MRPS35: variants seen among roughly 807,000 people sequenced by gnomAD.
MRPS35 encodes small ribosomal subunit protein mS35.
A neutral mutation model predicts 32.7 loss-of-function variants in MRPS35; 29 were observed. The observed-to-expected ratio is 0.89, with a 90% CI of 0.66 to 1.21. The LOEUF is 1.21. Ranked by LOEUF, MRPS35 falls within the 50% of genes most tolerant of loss-of-function variation. The probability of loss-of-function intolerance (pLI) is 0.00; values close to 1 mark genes in which losing one functional copy is unlikely to be tolerated. For missense variants in MRPS35, 373 were observed against 383.8 expected, an observed-to-expected ratio of 0.97 and a Z score of 0.23; for synonymous variants, 148 against 139.3, an observed-to-expected ratio of 1.06 and a Z score of -0.44.
At chr12:27,737,680 T>G (rs1206030923) in intron 7 of MRPS35, 72 bp downstream of exon 7, 3 of 1,218,648 alleles carry the variant, frequency 2.5e-6, no homozygotes, top group Non-Finnish European at 2.4e-6. Context: ...AAATACTCTT[T>G]GTGGCAAGTA....
At chr12:27,732,031 GA>G (rs1555106302) in intron 5 of MRPS35, among the ~76,000 whole-genome samples, 2 of 151,552 alleles carry the variant, frequency 1.3e-5, no homozygotes, top group African/African-American at 4.8e-5. Flanking sequence ...CCCAATAAAA[GA>G]AAAAAAAGAA....
intron 7 of MRPS35, among the ~76,000 whole-genome samples, chr12:27,749,468 A>G (rs1007332247): frequency 6.6e-6 from 1 of 152,344 alleles, no homozygotes; most frequent in East Asian, 1.9e-4. Context: ...TTGTTTCTGT[A>G]TATTTTATCT....
intron 3 of MRPS35, among the ~76,000 whole-genome samples, chr12:27,719,073 C>T (rs1593464487): frequency 1.3e-5 from 2 of 152,004 alleles, no homozygotes; most frequent in South Asian, 2.1e-4. Flanking sequence ...GGTGACAGAG[C>T]GAGACCCTGT....
chr12:27,719,392 C>T (rs1294351651), intron 3 of MRPS35, among the ~76,000 whole-genome samples: 4 of 152,236 alleles, frequency 2.6e-5, no homozygotes, highest in African/African-American at 9.6e-5. Context: ...AGATTTTGGG[C>T]GCGGTGGCTC....
chr12:27,735,203 C>T (rs966974121), intron 5 of MRPS35, among the ~76,000 whole-genome samples: 12 of 152,192 alleles, frequency 7.9e-5, no homozygotes, highest in Non-Finnish European at 1.5e-5. Flanking sequence ...TTAGTTCTTT[C>T]AGGGAAGGCA....
chr12:27,727,368 T>G (rs1277512620), intron 5 of MRPS35, among the ~76,000 whole-genome samples: 1 of 152,158 alleles, frequency 6.6e-6, no homozygotes, highest in Non-Finnish European at 1.5e-5. Flanking sequence ...ATTATAATAC[T>G]GTATTTTCAC....
chr12:27,737,037 G>A (rs1385712054), intron 6 of MRPS35, among the ~76,000 whole-genome samples: 1 of 152,090 alleles, frequency 6.6e-6, no homozygotes, highest in Non-Finnish European at 1.5e-5. Flanking sequence ...CACCATGCCT[G>A]GCTAATTTTT....
Position 27,755,589 on chromosome 12 carries a change from T to A in MRPS35, c.*139T>A. 1.4e-6 allele frequency: 1 copy of A among 736,530 alleles called. No individual in the cohort carries two copies. The highest frequency in any genetic ancestry group is 2.0e-6 in the Non-Finnish European group (1 of 493,052). 45.6% of individuals were successfully genotyped at this position (736,530 alleles called of 1,614,324 possible). A position where few individuals can be genotyped will look rare whatever the true frequency, so the allele number is the denominator to read the frequency against. ...AAATTATTTCCCTCATACTAATGCT[T>A]AATGGCAATGATTACTCCAGAGTTT... On this transcript the variant is annotated 3_prime_UTR_variant, in exon 8 of 8. Coordinates refer to ENST00000081029, the MANE Select transcript of MRPS35 (RefSeq NM_021821.4).
At chr12:27,723,482 A>G (rs951278554) in intron 4 of MRPS35, among the ~76,000 whole-genome samples, 1 of 152,190 alleles carries the variant, frequency 6.6e-6, no homozygotes, top group Non-Finnish European at 1.5e-5. Context: ...CATAGAAAAA[A>G]TATCAGTTCT....
chr12:27,751,101 T>TAAA, intron 7 of MRPS35, among the ~76,000 whole-genome samples: 1 of 5,400 alleles, frequency 1.9e-4, no homozygotes, highest in Admixed American at 2.9e-3. Context: ...AGACTCCATC[T>TAAA]CAAAAAAAAA....
intron 5 of MRPS35, among the ~76,000 whole-genome samples, chr12:27,733,160 A>G (rs191104168): frequency 4.3e-4 from 66 of 152,114 alleles, no homozygotes; most frequent in South Asian, 1.2e-3. Flanking sequence ...TTGAATTTTG[A>G]TAAAAGACAG....
chr12:27,719,408 T>G (rs2061863858), intron 3 of MRPS35, among the ~76,000 whole-genome samples: 1 of 152,206 alleles, frequency 6.6e-6, no homozygotes, highest in African/African-American at 2.4e-5. Context: ...GGCTCACGCC[T>G]GTAATCCCAG....
intron 5 of MRPS35, among the ~76,000 whole-genome samples, chr12:27,727,420 C>A (rs904106709): frequency 6.6e-6 from 1 of 151,994 alleles, no homozygotes; most frequent in Non-Finnish European, 1.5e-5. Flanking sequence ...TACACAAGTA[C>A]AATTTTGTTA....
rs375746939 is a variant in MRPS35 at position 27,735,513 on chromosome 12, C to T, written c.589C>T (p.Arg197Ter). ...GAAATTAATTAAACTTGTAGGAGAG[C>T]GATACTGCAAGACCACAGATGTGCT... ...KKKLIKLVGE[R>*]YCKTTDVLTI... The change falls in exon 6 of 8, where the codon CGA becomes TGA. Residue 197 changes from arginine (R) to a stop codon, truncating the protein, a stop_gained. Coordinates refer to ENST00000081029, the MANE Select transcript of MRPS35 (RefSeq NM_021821.4). LOFTEE classifies it high-confidence loss of function. 12 of 1,611,416 alleles carry T rather than the reference C, an allele frequency of 7.4e-6. No individual in the cohort carries two copies. Among genetic ancestry groups the T allele is most frequent in the East Asian group, 2.2e-5 (1 of 44,682 alleles).
At chr12:27,715,504 A>G (rs2140752528) in intron 2 of MRPS35, among the ~76,000 whole-genome samples, 1 of 152,326 alleles carries the variant, frequency 6.6e-6, no homozygotes, top group East Asian at 1.9e-4. Flanking sequence ...CCCTGTGGAC[A>G]TTTGGATTCC....
At chr12:27,716,486 CAG>C in intron 3 of MRPS35, 28 bp downstream of exon 3, 1 of 1,612,102 alleles carries the variant, frequency 6.2e-7, no homozygotes, top group Non-Finnish European at 8.5e-7. Flanking sequence ...TTCATTGGCT[CAG>C]ACTTACATAG....
rs537455301 is a variant in MRPS35, at chr12:27,733,408, GC to G, written c.523-2037del. On this transcript the variant is annotated intron_variant, in intron 5 of 7. Transcript: ENST00000081029. The stretch of plus-strand genomic sequence containing the variant: ...CGTTGCAGTAATGATCAGCTTTGCT[GC>G]CTTTTTTTGGACCACTTCTTATATA... Among the ~76,000 whole-genome samples, 54 of 152,188 alleles carry G rather than the reference GC, an allele frequency of 3.5e-4. 1 individual carries two copies. Among genetic ancestry groups the G allele is most frequent in the African/African-American group, 1.2e-3 (50 of 41,526 alleles).
At chr12:27,720,674 T>A (rs559622815) in intron 4 of MRPS35, among the ~76,000 whole-genome samples, 4 of 152,072 alleles carry the variant, frequency 2.6e-5, no homozygotes, top group African/African-American at 9.6e-5. Flanking sequence ...TTGTATACTC[T>A]CTGTAGTGTG....
rs763029901 is a variant in MRPS35 at position 27,755,202 on chromosome 12, AG to A, written c.725del (p.Ser242IlefsTer28). 6.4e-7 allele frequency: 1 copy of A among 1,564,458 alleles called. No individual in the cohort carries two copies. The highest frequency in any genetic ancestry group is 1.2e-5 in the South Asian group (1 of 80,334). ...ESWNTEEWEK[S>X]KTEADMEEYI... ...TCAGAATACTGAAGAATGGGAAAAA[AG>A]TAAGACTGAAGCAGACATGGAAGAG... On this transcript the variant is annotated frameshift_variant, in exon 8 of 8. Coordinates refer to ENST00000081029, the MANE Select transcript of MRPS35 (RefSeq NM_021821.4). LOFTEE classifies it low-confidence loss of function (END_TRUNC).
Sources: allele counts gnomAD v4.1 joint callset (sites outside exome capture counted in the v4.1 genomes callset), GRCh38; gene constraint gnomAD v4.1.1; transcripts MANE v1.5; gene names NCBI Gene and HGNC (gene_info 2026-07-23, HGNC 2026-07-21).